Variants in NT5C2 observed in about 807,000 individuals in gnomAD.
The protein encoded by NT5C2 is cytosolic purine 5'-nucleotidase.
Under a neutral mutation model 76.1 loss-of-function variants are expected in NT5C2, and 58 were observed. The observed-to-expected ratio is 0.76, with a 90% CI of 0.62 to 0.95. The LOEUF is 0.95. NT5C2 is among the 40% of genes least tolerant of loss of function. NT5C2 has a pLI of 0.00. For missense variants in NT5C2, 478 were observed against 690.3 expected (o/e 0.69, Z 3.45); for synonymous variants, 229 against 237.4 (o/e 0.96, Z 0.32).
intron 16 of NT5C2, among the ~76,000 whole-genome samples, 199 bp downstream of exon 16, chr10:103,091,365 G>A (rs1197145405): frequency 6.7e-6 from 1 of 148,404 alleles, no homozygotes; most frequent in Non-Finnish European, 1.5e-5. Context: ...TTTTTTTTGA[G>A]ACGGAGTTTC....
chr10:103,168,832 G>A (rs1316904908), intron 3 of NT5C2, among the ~76,000 whole-genome samples: 1 of 152,088 alleles, frequency 6.6e-6, no homozygotes, highest in Non-Finnish European at 1.5e-5. Flanking sequence ...TCTTCTAAAG[G>A]GAAATTGTAA....
At chr10:103,092,951 T>C (rs1232889171) in intron 15 of NT5C2, among the ~76,000 whole-genome samples, 188 bp downstream of exon 15, 1 of 152,240 alleles carries the variant, frequency 6.6e-6, no homozygotes, top group Non-Finnish European at 1.5e-5. Flanking sequence ...TAACCTCTCA[T>C]ATTTATTCAA....
chr10:103,182,554 G>C (rs1323972663), intron 1 of NT5C2, among the ~76,000 whole-genome samples: 3 of 151,598 alleles, frequency 2.0e-5, no homozygotes, highest in Non-Finnish European at 2.9e-5. Context: ...AGAATCACTT[G>C]AACCCAGGAG....
chr10:103,098,082 T>C (rs187691422), intron 10 of NT5C2: 1 of 529,334 alleles, frequency 1.9e-6, no homozygotes, highest in African/African-American at 1.9e-5. Flanking sequence ...ATTCTGCTAC[T>C]TTTACTCTGT....
intron 3 of NT5C2, among the ~76,000 whole-genome samples, chr10:103,155,780 T>G (rs1476165423): frequency 6.6e-6 from 1 of 152,182 alleles, no homozygotes. Flanking sequence ...AAGATCAGTC[T>G]TAGAGAGTCT....
chr10:103,091,462 C>G, intron 16 of NT5C2, 102 bp downstream of exon 16: 1 of 890,168 alleles, frequency 1.1e-6, no homozygotes, highest in Non-Finnish European at 1.8e-6. Flanking sequence ...TCTCCTGCCT[C>G]AGCCTCCCAA....
intron 5 of NT5C2, 121 bp from the exon 6 acceptor site, chr10:103,105,922 A>G (rs1447860862): frequency 3.3e-6 from 2 of 606,388 alleles, no homozygotes; most frequent in Non-Finnish European, 5.8e-6. Flanking sequence ...AACTCAAAGT[A>G]TGTCCTAATA....
At chr10:103,170,547 T>A (rs916127724) in intron 3 of NT5C2, among the ~76,000 whole-genome samples, 1 of 114,962 alleles carries the variant, frequency 8.7e-6, no homozygotes, top group African/African-American at 3.3e-5. Context: ...TTTTTTTTTT[T>A]GAGACATGCT....
chr10:103,184,771 A>G (rs1051516058), intron 1 of NT5C2, among the ~76,000 whole-genome samples: 5 of 152,330 alleles, frequency 3.3e-5, no homozygotes, highest in African/African-American at 1.2e-4. Context: ...GATTAACATA[A>G]TATTTTGCTA....
intron 4 of NT5C2, among the ~76,000 whole-genome samples, chr10:103,134,734 A>G (rs1328353272): frequency 1.3e-5 from 2 of 152,230 alleles, no homozygotes; most frequent in Non-Finnish European, 2.9e-5. Context: ...TGCACCTGGA[A>G]AAGCCACAGA....
chr10:103,142,544 G>GC (rs371066774), intron 3 of NT5C2, among the ~76,000 whole-genome samples: 2 of 152,242 alleles, frequency 1.3e-5, no homozygotes, highest in Non-Finnish European at 2.9e-5. Context: ...GGTGGCACAT[G>GC]CCTGTAGTCC....
At chr10:103,164,056 A>C (rs914506973) in intron 3 of NT5C2, among the ~76,000 whole-genome samples, 3 of 151,956 alleles carry the variant, frequency 2.0e-5, no homozygotes, top group African/African-American at 7.2e-5. Flanking sequence ...CTGGACATCA[A>C]AGTGAGACCC....
chr10:103,161,465 A>T (rs931273433), intron 3 of NT5C2, among the ~76,000 whole-genome samples: 2 of 152,256 alleles, frequency 1.3e-5, no homozygotes, highest in African/African-American at 4.8e-5. Context: ...TACAGGCATC[A>T]GCCACTGTGC....
intron 3 of NT5C2, chr10:103,146,020 G>A: frequency 1.0e-5 from 10 of 977,172 alleles, no homozygotes; most frequent in Non-Finnish European, 1.2e-5. Flanking sequence ...GTAATTCAAA[G>A]CAGTATTACC....
At chr10:103,139,356 G>T in intron 4 of NT5C2, 50 bp downstream of exon 4, 1 of 1,261,544 alleles carries the variant, frequency 7.9e-7, no homozygotes, top group Non-Finnish European at 1.1e-6. Flanking sequence ...TGAACCCACT[G>T]TGTTATACCC....
intron 1 of NT5C2, among the ~76,000 whole-genome samples, chr10:103,182,128 T>C (rs1384235513): frequency 1.3e-5 from 2 of 152,208 alleles, no homozygotes; most frequent in African/African-American, 4.8e-5. Context: ...AAAGTCATTT[T>C]ACATGTCTGT....
Position 103,112,906 on chromosome 10 carries a change from A to C in NT5C2, c.176-6200T>G, listed in dbSNP as rs191963137. 1.4e-3 allele frequency among the ~76,000 whole-genome samples: 214 copies of C among 152,336 alleles called. 1 individual carries two copies. Among genetic ancestry groups the C allele is most frequent in the African/African-American group, 4.6e-3 (193 of 41,580 alleles). On this transcript the variant is annotated intron_variant, in intron 4 of 18. Coordinates refer to ENST00000404739, the MANE Select transcript of NT5C2 (RefSeq NM_001351169.2). ...TTTTTCTCTGAGAAAATTTTAAGTG[A>C]GATCTTTCCAATTATCATATAAACA...
chr10:103,169,274 C>T (rs1279595380), intron 3 of NT5C2: 3 of 152,126 alleles, frequency 2.0e-5, no homozygotes, highest in Admixed American at 1.3e-4. Context: ...TACATATACA[C>T]ACACACATAT....
chr10:103,175,410 G>A (rs1462552077), intron 2 of NT5C2: 2 of 162,774 alleles, frequency 1.2e-5, no homozygotes, highest in African/African-American at 4.8e-5. Flanking sequence ...GGCACAGCTA[G>A]CGGGTTGGAA....
Sources: allele counts gnomAD v4.1 joint callset (sites outside exome capture counted in the v4.1 genomes callset), GRCh38; gene constraint gnomAD v4.1.1; transcripts MANE v1.5; gene names NCBI Gene and HGNC (gene_info 2026-07-23, HGNC 2026-07-21).